SEC63: variants seen among roughly 807,000 people sequenced by gnomAD.
The protein encoded by SEC63 is translocation protein SEC63 homolog.
Under a neutral mutation model 116.2 loss-of-function variants are expected in SEC63, and 56 were observed. The ratio of observed to expected loss-of-function variants is 0.48; its 90% confidence interval spans 0.39 to 0.60. The LOEUF (loss-of-function observed/expected upper bound fraction) is 0.60. Among genes scored for constraint, SEC63 ranks in the 20% least tolerant of loss-of-function variants. The pLI is 0.00. For missense variants in SEC63, 668 were observed against 900.0 expected, an observed-to-expected ratio of 0.74 and a Z score of 3.30; for synonymous variants, 273 against 294.6, an observed-to-expected ratio of 0.93 and a Z score of 0.75.
In SEC63 at chr6:107,924,846, T is replaced by C. The variant is rs771582635; in HGVS notation, c.311A>G (p.Asn104Ser). Residue 104 changes from asparagine (N) to serine (S), a missense_variant, in exon 3 of 21, where the codon AAT becomes AGT. Coordinates refer to ENST00000369002, the MANE Select transcript of SEC63 (RefSeq NM_007214.5). ...SKTDREYQEY[N>S]PYEVLNLDPG... ...ATCCAAATTTAATACTTCATAAGGA[T>C]TGTATTCTTGGTATTCTCGGTCTGT... 3 of 1,567,332 alleles carry C rather than the reference T, an allele frequency of 1.9e-6. No individual in the cohort carries two copies. The highest frequency in any genetic ancestry group is 1.8e-6 in the Non-Finnish European group (2 of 1,137,540).
chr6:107,901,270 T>C, intron 13 of SEC63, 100 bp downstream of exon 13: 1 of 1,156,548 alleles, frequency 8.6e-7, no homozygotes, highest in Non-Finnish European at 1.3e-6. Flanking sequence ...AATAACAAGT[T>C]ATGTTATTAA....
intron 1 of SEC63, chr6:107,954,482 C>CAAAAAAAAAAAAAAAAAAAAAAAAAA (rs4028832): frequency 8.6e-6 from 1 of 116,868 alleles, no homozygotes; most frequent in African/African-American, 3.4e-5. Flanking sequence ...AAAAAAAAAT[C>CAAAAAAAAAAAAAAAAAAAAAAAAAA]AAAAAAAAAA....
At chr6:107,893,775 T>C (rs1786750028) in intron 15 of SEC63, 63 bp downstream of exon 15, 1 of 1,605,278 alleles carries the variant, frequency 6.2e-7, no homozygotes, top group African/African-American at 1.3e-5. Flanking sequence ...ATAAGTCAAT[T>C]GGAAAAGTAA....
intron 1 of SEC63, among the ~76,000 whole-genome samples, chr6:107,939,780 T>A (rs115928955): frequency 0.041 from 6,188 of 151,868 alleles, 389 homozygotes; most frequent in African/African-American, 0.14. Context: ...AAAAAAAAAA[T>A]TTTTAAAAAC....
chr6:107,948,407 T>C (rs1770518616), intron 1 of SEC63, among the ~76,000 whole-genome samples: 1 of 152,152 alleles, frequency 6.6e-6, no homozygotes, highest in Non-Finnish European at 1.5e-5. Flanking sequence ...AGATAATACA[T>C]GAATCTAGCT....
intron 19 of SEC63, 141 bp from the exon 20 acceptor site, chr6:107,873,053 C>T: frequency 1.5e-6 from 1 of 657,850 alleles, no homozygotes; most frequent in East Asian, 2.8e-5. Flanking sequence ...TTACTAAAGT[C>T]CTTATAAACA....
intron 16 of SEC63, among the ~76,000 whole-genome samples, chr6:107,888,124 G>A (rs891890560): frequency 1.3e-5 from 2 of 152,128 alleles, no homozygotes; most frequent in African/African-American, 4.8e-5. Flanking sequence ...TTCCAATTCT[G>A]TGAAGAAAGT....
intron 18 of SEC63, among the ~76,000 whole-genome samples, chr6:107,878,906 C>T (rs551204702): frequency 3.2e-4 from 48 of 152,112 alleles, no homozygotes; most frequent in African/African-American, 1.2e-3. Context: ...CAATCAACAG[C>T]ACTACACCTG....
intron 1 of SEC63, among the ~76,000 whole-genome samples, chr6:107,946,690 T>C (rs1562340930): frequency 6.6e-6 from 1 of 152,208 alleles, no homozygotes. Flanking sequence ...TTTAAAACAA[T>C]TTAAAGTTTT....
Position 107,877,025 on chromosome 6 carries a change from C to T in SEC63, c.1936-363G>A, listed in dbSNP as rs901372306. On this transcript the variant is annotated intron_variant, in intron 18 of 20. Transcript: ENST00000369002. ...CTTAGTACTCTTACCTAGTAATAAG[C>T]AAAAGCCACAAAGTTGGAGTGGAAG... The T allele has an allele frequency of 1.3e-4, 29 of 225,830 alleles. 1 individual carries two copies. In the East Asian group the frequency reaches 2.3e-3, roughly 18 times the overall value. 14.0% of individuals were successfully genotyped at this position (225,830 alleles called of 1,614,324 possible). A position where few individuals can be genotyped will look rare whatever the true frequency, so the allele number is the denominator to read the frequency against.
At chr6:107,913,838 A>G (rs989197586) in intron 4 of SEC63, among the ~76,000 whole-genome samples, 1 of 152,218 alleles carries the variant, frequency 6.6e-6, no homozygotes, top group East Asian at 1.9e-4. Context: ...ATTAGTAATG[A>G]TAAATACACA....
At chr6:107,919,105 TTCTCCA>T (rs2114471832) in intron 4 of SEC63, among the ~76,000 whole-genome samples, 1 of 152,122 alleles carries the variant, frequency 6.6e-6, no homozygotes, top group South Asian at 2.1e-4. Context: ...AGATAGAGTT[TTCTCCA>T]TGTTGGTCAG....
chr6:107,924,479 T>C (rs1414887951), intron 3 of SEC63, among the ~76,000 whole-genome samples: 1 of 151,592 alleles, frequency 6.6e-6, no homozygotes, highest in Non-Finnish European at 1.5e-5. Flanking sequence ...GGTAGGAGAA[T>C]GGCGTGAACC....
intron 1 of SEC63, among the ~76,000 whole-genome samples, chr6:107,944,057 C>G (rs555459875): frequency 6.6e-6 from 1 of 152,050 alleles, no homozygotes; most frequent in Non-Finnish European, 1.5e-5. Context: ...GAGAAATGGT[C>G]GGACACGATG....
At chr6:107,894,652 T>C (rs1488398487) in intron 14 of SEC63, among the ~76,000 whole-genome samples, 1 of 152,228 alleles carries the variant, frequency 6.6e-6, no homozygotes, top group Admixed American at 6.5e-5. Flanking sequence ...ATGCAGGCTG[T>C]GTTTAATAAA....
intron 1 of SEC63, among the ~76,000 whole-genome samples, chr6:107,952,446 A>C (rs1225659114): frequency 6.6e-6 from 1 of 152,120 alleles, no homozygotes; most frequent in Non-Finnish European, 1.5e-5. Context: ...AACACACAAA[A>C]AAAAACCTCA....
intron 12 of SEC63, 25 bp downstream of exon 12, chr6:107,902,819 T>C: frequency 6.2e-7 from 1 of 1,609,968 alleles, no homozygotes; most frequent in Non-Finnish European, 8.5e-7. Flanking sequence ...TGCTGAAAAC[T>C]GACTTTAAAG....
At chr6:107,880,802 T>C (rs1489423185) in intron 18 of SEC63, among the ~76,000 whole-genome samples, 1 of 152,162 alleles carries the variant, frequency 6.6e-6, no homozygotes, top group African/African-American at 2.4e-5. Flanking sequence ...AGATTCATAA[T>C]AGTTAAGTAT....
chr6:107,900,272 T>G (rs577042488), intron 13 of SEC63, among the ~76,000 whole-genome samples: 2 of 152,180 alleles, frequency 1.3e-5, no homozygotes, highest in South Asian at 2.1e-4. Context: ...AGTGTTGGGA[T>G]TAAAGGCATG....
Sources: gnomAD v4.1 joint callset for allele counts (sites outside exome capture counted in the v4.1 genomes callset) on GRCh38, gnomAD v4.1.1 for gene constraint, MANE v1.5 for transcripts, NCBI Gene and HGNC (gene_info 2026-07-23, HGNC 2026-07-21) for gene names.